Variants in PLVAP observed in about 807,000 individuals in gnomAD.
PLVAP encodes plasmalemma vesicle-associated protein.
Under a neutral mutation model 43.1 loss-of-function variants are expected in PLVAP, and 34 were observed. That is an observed-to-expected ratio of 0.79 (90% CI 0.60 to 1.05). The LOEUF is 1.05. PLVAP is among the 50% of genes least tolerant of loss of function. The probability of loss-of-function intolerance (pLI) is 0.00; values close to 1 mark genes in which losing one functional copy is unlikely to be tolerated. For synonymous variants in PLVAP, 241 were observed against 237.3 expected, an observed-to-expected ratio of 1.02 and a Z score of -0.14; for missense variants, 574 against 593.4, an observed-to-expected ratio of 0.97 and a Z score of 0.34.
At chr19:17,366,393 G>A (rs2074550283) in intron 1 of PLVAP, among the ~76,000 whole-genome samples, 198 bp from the exon 2 acceptor site, 1 of 152,110 alleles carries the variant, frequency 6.6e-6, no homozygotes, top group Non-Finnish European at 1.5e-5. Context: ...TGAGGTGGGA[G>A]GATCACTCGA....
rs781372688 is a variant in PLVAP, at chr19:17,365,456, G to GGA, written c.1007_1008dup (p.Gln337SerfsTer11). 4 of 1,613,012 alleles carry GGA rather than the reference G, an allele frequency of 2.5e-6. No homozygotes were observed. In the Admixed American group the frequency reaches 6.7e-5, roughly 27 times the overall value. On this transcript the variant is annotated frameshift_variant, in exon 3 of 6. Coordinates refer to ENST00000252590, the MANE Select transcript of PLVAP (RefSeq NM_031310.3). LOFTEE classifies it high-confidence loss of function. ...TGGGTCTGCCGGGAGCATTCAGCTT[G>GGA]GAGCTTGGCCTCCCGGGCCTGAGCC...
rs750544795 is a variant in PLVAP, at chr19:17,366,085, GC to G, written c.466+13del. 6.2e-7 allele frequency: 1 copy of G among 1,614,042 alleles called. No homozygotes were observed. The highest frequency in any genetic ancestry group is 8.5e-7 in the Non-Finnish European group (1 of 1,179,918). ...GAGTCCACCACCCCGGCTCCCTGCA[GC>G]CTTAGCACTCACCATCGCAGCTCTT... is the stretch of plus-strand genomic sequence containing the variant. On this transcript the variant is annotated intron_variant, in intron 2 of 5. Transcript: ENST00000252590.
At chr19:17,374,667 C>T (rs1488953798) in intron 1 of PLVAP, among the ~76,000 whole-genome samples, 1 of 151,874 alleles carries the variant, frequency 6.6e-6, no homozygotes, top group African/African-American at 2.4e-5. Flanking sequence ...ACTCAGTCGC[C>T]CAGGCTGGAG....
chr19:17,359,409 C>A (rs1447588883), intron 5 of PLVAP, among the ~76,000 whole-genome samples: 2 of 151,062 alleles, frequency 1.3e-5, no homozygotes, highest in African/African-American at 4.9e-5. Context: ...CCACTGCAAC[C>A]AGCCTCTCTT....
chr19:17,373,430 G>C (rs1181670305), intron 1 of PLVAP, among the ~76,000 whole-genome samples: 4 of 152,146 alleles, frequency 2.6e-5, no homozygotes, highest in Non-Finnish European at 5.9e-5. Context: ...GAGCAGGACT[G>C]AGGGGGCTGA....
Position 17,366,034 on chromosome 19 carries a change from G to A in PLVAP, c.467-36C>T, listed in dbSNP as rs368563610. On this transcript the variant is annotated intron_variant, in intron 2 of 5. Transcript: ENST00000252590. ...CAGGACCAGGAGACCCAGGAAGATT[G>A]GGGGCTGCCGAGAGCACTGGGCAGG... 1.9e-6 allele frequency: 3 copies of A among 1,611,586 alleles called. No individual in the cohort carries two copies. In the South Asian group the frequency reaches 3.3e-5, roughly 18 times the overall value.
intron 5 of PLVAP, among the ~76,000 whole-genome samples, chr19:17,355,529 A>ATT (rs71162107): frequency 0.017 from 2,160 of 129,942 alleles, 72 homozygotes; most frequent in African/African-American, 0.056. Flanking sequence ...TGCCTGGTTA[A>ATT]TTTTTTTTTT....
chr19:17,372,073 C>T (rs1226557164), intron 1 of PLVAP, among the ~76,000 whole-genome samples: 2 of 130,808 alleles, frequency 1.5e-5, no homozygotes, highest in East Asian at 4.6e-4. Flanking sequence ...GTAGTGACAC[C>T]ATGTCTCTAA....
At position 17,377,168 on chromosome 19, in the gene PLVAP, G is replaced by A. The variant is rs1490352269; in HGVS notation, c.121C>T (p.Leu41=). 1.9e-6 allele frequency: 3 copies of A among 1,614,142 alleles called. No homozygotes were observed. The highest frequency in any genetic ancestry group is 2.2e-5 in the South Asian group (2 of 91,070). Residue 41 remains leucine, a synonymous_variant, in exon 1 of 6, where the codon CTG becomes TTG. Coordinates refer to ENST00000252590, the MANE Select transcript of PLVAP (RefSeq NM_031310.3). ...TAGACCATGAAGAGCACGAGCCCCA[G>A]GATGATGAGGAATTGGATGAGGGAG... ...FVSLIQFLII[L]GLVLFMVYGN... is the part of the protein sequence containing the mutation.
chr19:17,353,042 C>G lies in PLVAP; in HGVS notation c.1323-674G>C, dbSNP rs533158242. On this transcript the variant is annotated intron_variant, in intron 5 of 5. Transcript: ENST00000252590. ...TGTCTTGCTATCTGGGATGCCCTCC[C>G]CCTCCTGGGCCTGGCAGAGGTTCCT... Among the ~76,000 whole-genome samples, 51 of 152,356 alleles carry G rather than the reference C, an allele frequency of 3.3e-4. No homozygotes were observed. The South Asian group carries it at 9.1e-3, about 27-fold the overall frequency.
At chr19:17,354,759 G>A (rs1227030549) in intron 5 of PLVAP, among the ~76,000 whole-genome samples, 11 of 151,638 alleles carry the variant, frequency 7.3e-5, no homozygotes, top group Non-Finnish European at 1.3e-4. Flanking sequence ...TTAACCGGGC[G>A]TGGTGGTGGC....
intron 4 of PLVAP, 51 bp downstream of exon 4, chr19:17,360,721 C>T (rs897274443): frequency 5.0e-6 from 8 of 1,588,322 alleles, no homozygotes; most frequent in African/African-American, 2.7e-5. Context: ...GGGTGGGGTT[C>T]GAGGTGGAAA....
At chr19:17,357,777 G>A (rs553321393) in intron 5 of PLVAP, among the ~76,000 whole-genome samples, 174 of 152,348 alleles carry the variant, frequency 1.1e-3, no homozygotes, top group South Asian at 3.9e-3. Flanking sequence ...AGGGGAAGGC[G>A]AGTCAAGGGC....
intron 1 of PLVAP, among the ~76,000 whole-genome samples, chr19:17,371,467 C>G (rs563325292): frequency 6.6e-6 from 1 of 151,970 alleles, no homozygotes; most frequent in African/African-American, 2.4e-5. Flanking sequence ...GCTGCCACGC[C>G]CGGCCAGCTA....
At chr19:17,359,908 T>TC (rs1350095119) in intron 5 of PLVAP, among the ~76,000 whole-genome samples, 1 of 152,022 alleles carries the variant, frequency 6.6e-6, no homozygotes, top group Non-Finnish European at 1.5e-5. Flanking sequence ...TGGATGCCAC[T>TC]CCCCCTTCTC....
intron 5 of PLVAP, among the ~76,000 whole-genome samples, chr19:17,353,747 C>T (rs2074495030): frequency 6.6e-6 from 1 of 152,166 alleles, no homozygotes; most frequent in Non-Finnish European, 1.5e-5. Context: ...CTCTGTCTCG[C>T]CCATCACCAA....
At chr19:17,371,094 C>T (rs1352590453) in intron 1 of PLVAP, among the ~76,000 whole-genome samples, 3 of 151,630 alleles carry the variant, frequency 2.0e-5, no homozygotes, top group African/African-American at 4.8e-5. Context: ...TCAAATTGTA[C>T]ACTTTAAATA....
chr19:17,359,693 C>CTT (rs10617408), intron 5 of PLVAP, among the ~76,000 whole-genome samples: 8 of 116,150 alleles, frequency 6.9e-5, no homozygotes, highest in Non-Finnish European at 3.5e-5. Flanking sequence ...TACCCGGCCT[C>CTT]TTTTTTTTTT....
intron 5 of PLVAP, among the ~76,000 whole-genome samples, chr19:17,358,876 T>C (rs1391661856): frequency 6.6e-6 from 1 of 152,022 alleles, no homozygotes; most frequent in Non-Finnish European, 1.5e-5. Context: ...CTTGGCTCTC[T>C]GCAGCCTCCA....
Sources: gnomAD v4.1 joint callset for allele counts (sites outside exome capture counted in the v4.1 genomes callset) on GRCh38, gnomAD v4.1.1 for gene constraint, MANE v1.5 for transcripts, NCBI Gene and HGNC (gene_info 2026-07-23, HGNC 2026-07-21) for gene names.